The following TMEM117 variants were observed in gnomAD, a reference collection of about 807,000 sequenced individuals.
The protein encoded by TMEM117 is transmembrane protein 117.
A neutral mutation model predicts 52.4 loss-of-function variants in TMEM117; 27 were observed. That is an observed-to-expected ratio of 0.51 (90% CI 0.38 to 0.71). The LOEUF (loss-of-function observed/expected upper bound fraction) is 0.71. Among genes scored for constraint, TMEM117 ranks in the 30% least tolerant of loss-of-function variants. TMEM117 has a pLI of 0.00. For missense variants in TMEM117, 556 were observed against 630.5 expected (o/e 0.88, Z 1.26); for synonymous variants, 215 against 206.3 (o/e 1.04, Z -0.36).
intron 5 of TMEM117, among the ~76,000 whole-genome samples, chr12:44,269,055 C>T (rs906173164): frequency 2.0e-5 from 3 of 151,862 alleles, no homozygotes; most frequent in Admixed American, 6.6e-5. Flanking sequence ...CTTTTTTTCA[C>T]TCAACATTAC....
upstream of TMEM117, among the ~76,000 whole-genome samples, chr12:43,834,256 C>T (rs569248630): frequency 3.9e-5 from 6 of 152,178 alleles, no homozygotes; most frequent in East Asian, 1.9e-4. Context: ...CAGTTACCCA[C>T]GTGTAACAGT....
At chr12:44,064,665 A>T (rs1410299110) in intron 3 of TMEM117, among the ~76,000 whole-genome samples, 3 of 152,176 alleles carry the variant, frequency 2.0e-5, no homozygotes, top group Admixed American at 1.3e-4. Context: ...TATGATTACC[A>T]ATGTGATATG....
intron 5 of TMEM117, among the ~76,000 whole-genome samples, chr12:44,240,087 A>T (rs909062202): frequency 2.0e-5 from 3 of 152,170 alleles, no homozygotes. Flanking sequence ...CTATATTAGC[A>T]TTCCATTTAA....
intron 3 of TMEM117, among the ~76,000 whole-genome samples, chr12:44,117,048 C>T (rs930090685): frequency 1.3e-5 from 2 of 152,178 alleles, no homozygotes; most frequent in African/African-American, 2.4e-5. Flanking sequence ...AGTAAACTCT[C>T]TCCCTTGTAC....
chr12:43,812,087 A>T, the TMEM117 span, among the ~76,000 whole-genome samples: 1 of 152,226 alleles, frequency 6.6e-6, no homozygotes, highest in Non-Finnish European at 1.5e-5. Context: ...CTGCAAAAAA[A>T]AAAAGTTTAA....
At chr12:43,935,907 G>A (rs1446002160) in intron 2 of TMEM117, among the ~76,000 whole-genome samples, 3 of 152,198 alleles carry the variant, frequency 2.0e-5, no homozygotes, top group Non-Finnish European at 4.4e-5. Context: ...ATCCCAGGCA[G>A]AGGGTTCAGC....
chr12:43,814,738 CTTTTTTT>C, the TMEM117 span, among the ~76,000 whole-genome samples: 1 of 107,632 alleles, frequency 9.3e-6, no homozygotes, highest in East Asian at 2.8e-4. Flanking sequence ...GGGTTTGAAT[CTTTTTTT>C]TTTTTTTTTT....
Position 44,020,291 on chromosome 12 carries a change from A to C in TMEM117, c.410+75949A>C, listed in dbSNP as rs1946436768. Among the ~76,000 whole-genome samples, 3 of 152,296 alleles carry C rather than the reference A, an allele frequency of 2.0e-5. No individual in the cohort carries two copies. In the South Asian group the frequency reaches 6.2e-4, roughly 32 times the overall value. On this transcript the variant is annotated intron_variant, in intron 3 of 7. Coordinates refer to ENST00000266534, the MANE Select transcript of TMEM117 (RefSeq NM_032256.3). ...TGTCTTTTTTACTATATGGAGCCCT[A>C]TCTGACAAGGGTCAGCATTCTAAAA... is the stretch of plus-strand genomic sequence containing the variant.
chr12:44,045,329 A>T (rs963554743), intron 3 of TMEM117, among the ~76,000 whole-genome samples: 6 of 152,214 alleles, frequency 3.9e-5, no homozygotes, highest in African/African-American at 1.4e-4. Context: ...CGGGGTGATC[A>T]GCCAGCTAGT....
intron 5 of TMEM117, among the ~76,000 whole-genome samples, chr12:44,215,144 C>G (rs936812320): frequency 2.0e-4 from 30 of 152,132 alleles, no homozygotes; most frequent in African/African-American, 7.2e-4. Context: ...CAAAGGAAAT[C>G]TTTCTTAAGT....
chr12:43,987,801 G>A (rs931895198), intron 3 of TMEM117, among the ~76,000 whole-genome samples: 5 of 152,102 alleles, frequency 3.3e-5, no homozygotes, highest in African/African-American at 1.2e-4. Flanking sequence ...ATGATTCAGT[G>A]TTATTGATTT....
intron 6 of TMEM117, among the ~76,000 whole-genome samples, chr12:44,327,864 A>G (rs1798030): frequency 0.022 from 3,385 of 152,222 alleles, 141 homozygotes; most frequent in African/African-American, 0.077. Flanking sequence ...CTAATATTTT[A>G]ATTCCATATC....
chr12:44,269,677 A>T (rs528154737), intron 5 of TMEM117, among the ~76,000 whole-genome samples: 29 of 152,080 alleles, frequency 1.9e-4, no homozygotes, highest in African/African-American at 6.5e-4. Context: ...ATTCAGCCCA[A>T]CATTTGTAAA....
At chr12:44,033,406 A>G (rs959851392) in intron 3 of TMEM117, among the ~76,000 whole-genome samples, 1 of 152,178 alleles carries the variant, frequency 6.6e-6, no homozygotes, top group Admixed American at 6.5e-5. Flanking sequence ...TCTTTCTTGC[A>G]TGAGATCCAA....
chr12:44,250,649 T>G (rs1358395149), intron 5 of TMEM117, among the ~76,000 whole-genome samples: 3 of 152,186 alleles, frequency 2.0e-5, no homozygotes, highest in Non-Finnish European at 2.9e-5. Flanking sequence ...CATGGAATAC[T>G]ATGCAGCCAT....
intron 3 of TMEM117, among the ~76,000 whole-genome samples, chr12:44,056,856 T>C (rs1187268632): frequency 6.6e-6 from 1 of 152,204 alleles, no homozygotes; most frequent in African/African-American, 2.4e-5. Flanking sequence ...GCTATATTAT[T>C]ACCCAGTTTT....
At chr12:44,163,592 T>G (rs987351995) in intron 4 of TMEM117, among the ~76,000 whole-genome samples, 1 of 152,192 alleles carries the variant, frequency 6.6e-6, no homozygotes, top group Non-Finnish European at 1.5e-5. Context: ...TTTCTTTTAA[T>G]CATCATCAGT....
chr12:43,994,286 T>C (rs1479786978), intron 3 of TMEM117, among the ~76,000 whole-genome samples: 1 of 152,210 alleles, frequency 6.6e-6, no homozygotes, highest in Non-Finnish European at 1.5e-5. Context: ...GTAAGCTACA[T>C]CTCTGAGGAA....
intron 3 of TMEM117, among the ~76,000 whole-genome samples, chr12:44,037,086 G>T (rs1014656198): frequency 2.6e-5 from 4 of 152,146 alleles, no homozygotes; most frequent in African/African-American, 9.7e-5. Flanking sequence ...GCTGGAAACA[G>T]GTGGAAGCCC....
Sources: allele counts gnomAD v4.1 joint callset (sites outside exome capture counted in the v4.1 genomes callset), GRCh38; gene constraint gnomAD v4.1.1; transcripts MANE v1.5; gene names NCBI Gene and HGNC (gene_info 2026-07-23, HGNC 2026-07-21).